The following KIAA1549L variants were observed in gnomAD, a reference collection of about 807,000 sequenced individuals.
KIAA1549L encodes the protein KIAA1549 like, also known as UPF0606 protein KIAA1549L.
Under a neutral mutation model 160.7 loss-of-function variants are expected in KIAA1549L, and 88 were observed. The ratio of observed to expected loss-of-function variants is 0.55; its 90% CI spans 0.46 to 0.65. The LOEUF (loss-of-function observed/expected upper bound fraction) is 0.65. KIAA1549L is among the 30% of genes least tolerant of loss of function. KIAA1549L has a pLI of 0.00. For missense variants in KIAA1549L, 2,258 were observed against 2,437.5 expected (o/e 0.93, Z 1.55); for synonymous variants, 950 against 976.7 (o/e 0.97, Z 0.51).
chr11:33,663,003 A>G (rs1376452280), intron 20 of KIAA1549L, among the ~76,000 whole-genome samples: 3 of 152,218 alleles, frequency 2.0e-5, no homozygotes, highest in African/African-American at 4.8e-5. Flanking sequence ...GAGCCCAACT[A>G]TCACCTGCAA....
chr11:33,637,319 G>A lies in KIAA1549L; in HGVS notation c.5410-8367G>A, dbSNP rs188942417. On this transcript the variant is annotated intron_variant, in intron 16 of 20. Transcript: ENST00000658780. ...GTCATCTCTTCTGGCCTAGGTTACG[G>A]CCAGAGCCGCAAGCAAGTGCTTCCT... 3.3e-5 allele frequency among the ~76,000 whole-genome samples: 5 copies of A among 152,314 alleles called. No homozygotes were observed. The East Asian group carries it at 9.7e-4, about 29-fold the overall frequency.
intron 17 of KIAA1549L, among the ~76,000 whole-genome samples, chr11:33,650,105 A>G (rs1208992774): frequency 6.6e-6 from 1 of 152,178 alleles, no homozygotes; most frequent in Non-Finnish European, 1.5e-5. Flanking sequence ...AGCATGGTCC[A>G]GCTCGCAGGA....
At chr11:33,458,807 T>C (rs1200122502) in intron 1 of KIAA1549L, among the ~76,000 whole-genome samples, 5 of 152,190 alleles carry the variant, frequency 3.3e-5, no homozygotes, top group Non-Finnish European at 7.4e-5. Context: ...TGTGGTCAGG[T>C]TGAGGGCTCG....
intron 1 of KIAA1549L, among the ~76,000 whole-genome samples, chr11:33,479,809 GGAAGAAAAGAAA>G (rs1852371140): frequency 6.6e-6 from 1 of 152,110 alleles, no homozygotes; most frequent in Non-Finnish European, 1.5e-5. Context: ...ATTTTAAAAG[GGAAGAAAAGAAA>G]GAAGAAAAGG....
At chr11:33,399,754 C>A (rs374598147) in intron 1 of KIAA1549L, among the ~76,000 whole-genome samples, 1 of 152,076 alleles carries the variant, frequency 6.6e-6, no homozygotes, top group Non-Finnish European at 1.5e-5. Flanking sequence ...TTTTTAAATC[C>A]CTTCCCAAAC....
In KIAA1549L at chr11:33,474,856, A is replaced by G. The variant is rs981721587; in HGVS notation, c.239-66946A>G. On this transcript the variant is annotated intron_variant, in intron 1 of 20. Transcript: ENST00000658780. ...AGGCGAGGGCCTGTCATCTTCATAA[A>G]CACTCCAGCGTGAGGAATGGTGGAG... Among the ~76,000 whole-genome samples, 7 of 152,232 alleles carry G rather than the reference A, an allele frequency of 4.6e-5. No individual in the cohort carries two copies. In the East Asian group the frequency reaches 1.2e-3, roughly 25 times the overall value.
chr11:33,436,951 G>T (rs563294310), intron 1 of KIAA1549L, among the ~76,000 whole-genome samples: 1 of 152,214 alleles, frequency 6.6e-6, no homozygotes, highest in African/African-American at 2.4e-5. Flanking sequence ...CAGCACCAAC[G>T]TGGGGTGTTC....
chr11:33,500,230 G>T (rs1852913408), intron 1 of KIAA1549L, among the ~76,000 whole-genome samples: 1 of 152,176 alleles, frequency 6.6e-6, no homozygotes, highest in Non-Finnish European at 1.5e-5. Context: ...CTTAGAGAGA[G>T]GTTAAGTAAC....
At chr11:33,650,961 C>A (rs1447342376) in intron 17 of KIAA1549L, among the ~76,000 whole-genome samples, 1 of 152,146 alleles carries the variant, frequency 6.6e-6, no homozygotes, top group African/African-American at 2.4e-5. Flanking sequence ...AGACTTATGT[C>A]CTCTCCTCCA....
intron 6 of KIAA1549L, among the ~76,000 whole-genome samples, chr11:33,558,334 G>T (rs1245132918): frequency 6.6e-6 from 1 of 152,162 alleles, no homozygotes; most frequent in African/African-American, 2.4e-5. Flanking sequence ...GACCCGATGG[G>T]GTGAGTGCGG....
At chr11:33,431,619 C>T (rs1316939727) in intron 1 of KIAA1549L, among the ~76,000 whole-genome samples, 1 of 152,190 alleles carries the variant, frequency 6.6e-6, no homozygotes, top group Non-Finnish European at 1.5e-5. Context: ...TATTTACAAT[C>T]CCTGACCTAG....
At chr11:33,475,972 T>C (rs750526635) in intron 1 of KIAA1549L, among the ~76,000 whole-genome samples, 49 of 152,202 alleles carry the variant, frequency 3.2e-4, no homozygotes, top group Non-Finnish European at 6.9e-4. Flanking sequence ...ATTAGTATCC[T>C]TCAGTAAACC....
intron 1 of KIAA1549L, among the ~76,000 whole-genome samples, chr11:33,487,487 G>T (rs899478055): frequency 1.3e-5 from 2 of 148,454 alleles, no homozygotes; most frequent in African/African-American, 5.0e-5. Context: ...TTGAATGACT[G>T]AGTGGATGAC....
intron 9 of KIAA1549L, among the ~76,000 whole-genome samples, chr11:33,570,088 C>T (rs1855197634): frequency 6.6e-6 from 1 of 151,098 alleles, no homozygotes; most frequent in Non-Finnish European, 1.5e-5. Flanking sequence ...ACTGCAACCT[C>T]CGCCTCCCGG....
chr11:33,395,411 T>C (rs910483684), intron 1 of KIAA1549L, among the ~76,000 whole-genome samples: 1 of 152,364 alleles, frequency 6.6e-6, no homozygotes, highest in South Asian at 2.1e-4. Context: ...AAAATTATTT[T>C]CTTTTTCTCT....
intron 4 of KIAA1549L, among the ~76,000 whole-genome samples, chr11:33,548,715 G>A (rs548715862): frequency 1.3e-5 from 2 of 152,294 alleles, no homozygotes; most frequent in African/African-American, 4.8e-5. Context: ...AGAGATGGAA[G>A]CTTCACTTTA....
chr11:33,615,709 C>T (rs1364739810), intron 15 of KIAA1549L, among the ~76,000 whole-genome samples: 1 of 152,100 alleles, frequency 6.6e-6, no homozygotes, highest in Non-Finnish European at 1.5e-5. Context: ...CAGTTCTTGA[C>T]AGGGCTTACA....
chr11:33,506,160 T>G (rs1230020573), intron 1 of KIAA1549L, among the ~76,000 whole-genome samples: 2 of 152,210 alleles, frequency 1.3e-5, no homozygotes, highest in Non-Finnish European at 1.5e-5. Context: ...CAATGGTAGA[T>G]ACCTTAGGTT....
Position 33,493,244 on chromosome 11 carries a change from T to C in KIAA1549L, c.239-48558T>C, listed in dbSNP as rs113541121. 2.4e-3 allele frequency among the ~76,000 whole-genome samples: 371 copies of C among 152,250 alleles called. 4 individuals are homozygous for C. In the South Asian group the frequency reaches 0.025, roughly 10 times the overall value. On this transcript the variant is annotated intron_variant, in intron 1 of 20. Transcript: ENST00000658780. ...GAGGAGGGGCTCCAACCCTCATGAA[T>C]GGATTAATACCAATTATAAAAGGGC...
Sources: allele counts gnomAD v4.1 joint callset (sites outside exome capture counted in the v4.1 genomes callset), GRCh38; gene constraint gnomAD v4.1.1; transcripts MANE v1.5; gene names NCBI Gene and HGNC (gene_info 2026-07-23, HGNC 2026-07-21).